Variants in GRXCR1 observed in about 807,000 individuals in gnomAD.
GRXCR1 encodes the protein glutaredoxin and cysteine rich domain containing 1.
A neutral mutation model predicts 27.3 loss-of-function variants in GRXCR1; 27 were observed. The ratio of observed to expected loss-of-function variants is 0.99; its 90% CI spans 0.73 to 1.37. GRXCR1 has a LOEUF of 1.37. GRXCR1 is among the 40% of genes most tolerant of loss of function. The probability of loss-of-function intolerance (pLI) is 0.00; values close to 1 mark genes in which losing one functional copy is unlikely to be tolerated. For synonymous variants in GRXCR1, 122 were observed against 131.1 expected (o/e 0.93, Z 0.47); for missense variants, 379 against 354.4 (o/e 1.07, Z -0.56).
At chr4:43,026,421 A>G (rs1713260430) in intron 3 of GRXCR1, among the ~76,000 whole-genome samples, 1 of 151,878 alleles carries the variant, frequency 6.6e-6, no homozygotes, top group South Asian at 2.1e-4. Flanking sequence ...CAAGAATGAG[A>G]TTCCTGGGTG....
intron 1 of GRXCR1, among the ~76,000 whole-genome samples, chr4:42,961,632 G>T (rs895917640): frequency 3.3e-5 from 5 of 151,780 alleles, no homozygotes; most frequent in Non-Finnish European, 5.9e-5. Flanking sequence ...CAGGCCTCTG[G>T]GTTTTCAACT....
intron 3 of GRXCR1, among the ~76,000 whole-genome samples, chr4:43,027,658 C>A (rs1713298440): frequency 6.6e-6 from 1 of 152,104 alleles, no homozygotes; most frequent in Admixed American, 6.6e-5. Context: ...TGCTTGTAGT[C>A]ACAAATATAT....
intron 1 of GRXCR1, among the ~76,000 whole-genome samples, chr4:42,915,264 G>C (rs1044820207): frequency 1.6e-4 from 25 of 152,214 alleles, no homozygotes; most frequent in African/African-American, 5.8e-4. Context: ...CAAAGAATGG[G>C]ATGGGAACGA....
intron 1 of GRXCR1, among the ~76,000 whole-genome samples, chr4:42,941,025 A>T (rs1045979092): frequency 6.6e-6 from 1 of 152,054 alleles, no homozygotes; most frequent in Non-Finnish European, 1.5e-5. Context: ...GTAGAATAAT[A>T]TATATTCCTG....
chr4:42,998,580 T>A (rs1295734562), intron 2 of GRXCR1, among the ~76,000 whole-genome samples: 1 of 152,238 alleles, frequency 6.6e-6, no homozygotes, highest in Non-Finnish European at 1.5e-5. Flanking sequence ...AAAAAATGTC[T>A]GTTTGTGGTT....
intron 1 of GRXCR1, among the ~76,000 whole-genome samples, chr4:42,957,412 A>G (rs1021871211): frequency 2.0e-5 from 3 of 152,020 alleles, no homozygotes; most frequent in African/African-American, 7.2e-5. Flanking sequence ...AATTATTCTA[A>G]TGACTGAATG....
intron 3 of GRXCR1, among the ~76,000 whole-genome samples, chr4:43,024,840 A>G (rs1713204208): frequency 6.6e-6 from 1 of 152,206 alleles, no homozygotes; most frequent in Non-Finnish European, 1.5e-5. Flanking sequence ...AGAGATGATT[A>G]TAATGCCAAG....
intron 1 of GRXCR1, among the ~76,000 whole-genome samples, chr4:42,960,870 A>T (rs1192706963): frequency 6.6e-6 from 1 of 151,876 alleles, no homozygotes; most frequent in Non-Finnish European, 1.5e-5. Flanking sequence ...GTTCTGGGGA[A>T]CATGTGCAGG....
At chr4:42,904,569 T>C (rs1005428796) in intron 1 of GRXCR1, among the ~76,000 whole-genome samples, 1 of 152,218 alleles carries the variant, frequency 6.6e-6, no homozygotes, top group East Asian at 1.9e-4. Flanking sequence ...TGTACTTATC[T>C]TCTATAAATC....
intron 3 of GRXCR1, among the ~76,000 whole-genome samples, chr4:43,026,828 C>A (rs1347864186): frequency 6.6e-6 from 1 of 152,184 alleles, no homozygotes; most frequent in Non-Finnish European, 1.5e-5. Context: ...GGGGCAAAGA[C>A]TCCTCCACAC....
intron 1 of GRXCR1, among the ~76,000 whole-genome samples, chr4:42,894,089 G>A (rs1746296188): frequency 6.6e-6 from 1 of 152,098 alleles, no homozygotes; most frequent in South Asian, 2.1e-4. Flanking sequence ...GCGAGGTTGG[G>A]TTCAACTGGA....
At chr4:42,966,211 C>G (rs1748234379) in intron 2 of GRXCR1, among the ~76,000 whole-genome samples, 1 of 151,902 alleles carries the variant, frequency 6.6e-6, no homozygotes, top group Non-Finnish European at 1.5e-5. Context: ...GTAGTTACAA[C>G]ATAAATTATC....
intron 2 of GRXCR1, among the ~76,000 whole-genome samples, chr4:43,015,906 T>G (rs1712916513): frequency 6.6e-6 from 1 of 152,158 alleles, no homozygotes; most frequent in Non-Finnish European, 1.5e-5. Flanking sequence ...AATGTTTAAG[T>G]TAATAGTTTC....
chr4:42,912,496 A>G (rs957776632), intron 1 of GRXCR1, among the ~76,000 whole-genome samples: 1 of 152,226 alleles, frequency 6.6e-6, no homozygotes, highest in African/African-American at 2.4e-5. Flanking sequence ...CATGTAAACT[A>G]GCACAGCTCA....
intron 1 of GRXCR1, among the ~76,000 whole-genome samples, chr4:42,939,958 G>T (rs1747574192): frequency 6.6e-6 from 1 of 151,824 alleles, no homozygotes; most frequent in South Asian, 2.1e-4. Flanking sequence ...TATTAGAAGG[G>T]CCGAGTGGGA....
intron 2 of GRXCR1, among the ~76,000 whole-genome samples, chr4:43,009,751 C>T (rs559206879): frequency 1.8e-3 from 255 of 142,414 alleles, no homozygotes; most frequent in African/African-American, 6.4e-3. Context: ...AACCTAATCA[C>T]CCCCCCAAAT....
intron 3 of GRXCR1, among the ~76,000 whole-genome samples, chr4:43,022,072 T>C (rs938724418): frequency 6.6e-6 from 1 of 152,200 alleles, no homozygotes; most frequent in African/African-American, 2.4e-5. Context: ...TGTTCTCATA[T>C]ACTACCCCAA....
intron 1 of GRXCR1, among the ~76,000 whole-genome samples, chr4:42,955,194 T>C (rs982627272): frequency 1.8e-4 from 28 of 152,142 alleles, no homozygotes; most frequent in African/African-American, 6.8e-4. Context: ...TGCTTTGAGC[T>C]AATCACTTTG....
intron 2 of GRXCR1, among the ~76,000 whole-genome samples, chr4:42,981,909 C>G (rs190949285): frequency 6.6e-6 from 1 of 152,138 alleles, no homozygotes; most frequent in East Asian, 1.9e-4. Flanking sequence ...TTGGAATACT[C>G]TTGTTTGGAT....
Sources: gnomAD v4.1 joint callset for allele counts (sites outside exome capture counted in the v4.1 genomes callset) on GRCh38, gnomAD v4.1.1 for gene constraint, MANE v1.5 for transcripts, NCBI Gene and HGNC (gene_info 2026-07-23, HGNC 2026-07-21) for gene names.